NRXN3: variants seen among roughly 807,000 people sequenced by gnomAD.
NRXN3 encodes the protein neurexin 3.
NRXN3 carries 32 observed loss-of-function variants against 137.6 expected under a neutral mutation model. The ratio of observed to expected loss-of-function variants is 0.23; its 90% CI spans 0.18 to 0.31. The LOEUF (loss-of-function observed/expected upper bound fraction) is 0.31. Among genes scored for constraint, NRXN3 ranks in the 10% least tolerant of loss-of-function variants. The probability of loss-of-function intolerance (pLI) is 1.00; values close to 1 mark genes in which losing one functional copy is unlikely to be tolerated. For missense variants in NRXN3, 1,574 were observed against 2,062.5 expected (o/e 0.76, Z 4.59); for synonymous variants, 798 against 784.5 (o/e 1.02, Z -0.29).
chr14:78,182,212 A>G (rs919588024), intron 1 of NRXN3, among the ~76,000 whole-genome samples: 2 of 152,036 alleles, frequency 1.3e-5, no homozygotes, highest in Non-Finnish European at 1.5e-5. Flanking sequence ...AATTTTCACA[A>G]TGGGTCTTGG....
intron 15 of NRXN3, among the ~76,000 whole-genome samples, chr14:79,099,213 G>A (rs1458826550): frequency 1.3e-5 from 2 of 152,202 alleles, no homozygotes; most frequent in Admixed American, 1.3e-4. Flanking sequence ...TCACTTGCAA[G>A]TGTATAAGCA....
At chr14:78,593,884 G>A (rs1023848262) in intron 4 of NRXN3, among the ~76,000 whole-genome samples, 3 of 152,136 alleles carry the variant, frequency 2.0e-5, no homozygotes, top group Non-Finnish European at 2.9e-5. Flanking sequence ...CACCCCAATG[G>A]AGAGGGGCCC....
chr14:78,603,269 A>G (rs1189290172), intron 4 of NRXN3, among the ~76,000 whole-genome samples: 1 of 152,008 alleles, frequency 6.6e-6, no homozygotes, highest in Non-Finnish European at 1.5e-5. Flanking sequence ...TGCCTACTTT[A>G]CAAGGACCCT....
At chr14:79,582,577 C>G (rs112232922) in intron 16 of NRXN3, among the ~76,000 whole-genome samples, 1 of 151,824 alleles carries the variant, frequency 6.6e-6, no homozygotes, top group East Asian at 1.9e-4. Context: ...TGTGCCACCA[C>G]GCCCAGCAAT....
chr14:79,520,470 A>G (rs575267663), intron 16 of NRXN3, among the ~76,000 whole-genome samples: 1 of 152,148 alleles, frequency 6.6e-6, no homozygotes, highest in African/African-American at 2.4e-5. Flanking sequence ...GACAGTCCCC[A>G]GTGTATGATG....
chr14:79,429,766 C>T (rs1484973399), intron 15 of NRXN3, among the ~76,000 whole-genome samples: 1 of 152,162 alleles, frequency 6.6e-6, no homozygotes, highest in African/African-American at 2.4e-5. Context: ...AAAACACTTT[C>T]CCTACTTACA....
intron 16 of NRXN3, 110 bp downstream of exon 16, chr14:79,467,512 C>A: frequency 1.0e-6 from 1 of 981,906 alleles, no homozygotes; most frequent in Non-Finnish European, 1.4e-6. Context: ...GGTGCACATG[C>A]TTATAAAAAT....
chr14:79,647,052 A>G (rs547680178), intron 16 of NRXN3, among the ~76,000 whole-genome samples: 1 of 135,750 alleles, frequency 7.4e-6, no homozygotes, highest in Non-Finnish European at 1.7e-5. Flanking sequence ...CAACTCCACA[A>G]GCAGTAAAGT....
intron 16 of NRXN3, among the ~76,000 whole-genome samples, chr14:79,524,246 G>A (rs1317841783): frequency 6.6e-6 from 1 of 152,198 alleles, no homozygotes; most frequent in Admixed American, 6.5e-5. Context: ...TAACCTCATG[G>A]TTGTCTTTTC....
intron 15 of NRXN3, among the ~76,000 whole-genome samples, chr14:79,348,727 A>T (rs1482311798): frequency 6.6e-6 from 1 of 152,176 alleles, no homozygotes; most frequent in East Asian, 1.9e-4. Context: ...CAATATGGAA[A>T]TGAGCTGGGA....
chr14:78,315,307 G>T (rs1034341774), intron 4 of NRXN3, among the ~76,000 whole-genome samples: 1 of 151,994 alleles, frequency 6.6e-6, no homozygotes, highest in Non-Finnish European at 1.5e-5. Flanking sequence ...TGTGTATTTT[G>T]TATTAAACAA....
At chr14:78,484,616 A>G (rs919630437) in intron 4 of NRXN3, among the ~76,000 whole-genome samples, 1 of 152,158 alleles carries the variant, frequency 6.6e-6, no homozygotes, top group Non-Finnish European at 1.5e-5. Context: ...TGGTACTGGA[A>G]CATGGAGCTT....
chr14:79,739,648 C>CAAAAAAAAAAAAAAAAAA, intron 19 of NRXN3, among the ~76,000 whole-genome samples: 1 of 31,824 alleles, frequency 3.1e-5, no homozygotes. Flanking sequence ...GACTCTGCCT[C>CAAAAAAAAAAAAAAAAAA]AAAAAAAAAA....
At chr14:79,517,297 A>AT (rs2097001536) in intron 16 of NRXN3, among the ~76,000 whole-genome samples, 1 of 151,988 alleles carries the variant, frequency 6.6e-6, no homozygotes, top group Non-Finnish European at 1.5e-5. Context: ...CTTTCTATTG[A>AT]TATTTTTTGA....
chr14:79,299,196 A>G (rs2084716946), intron 15 of NRXN3, among the ~76,000 whole-genome samples: 1 of 152,194 alleles, frequency 6.6e-6, no homozygotes, highest in Non-Finnish European at 1.5e-5. Flanking sequence ...GCACCATCCT[A>G]TAAGATTTAA....
chr14:78,221,598 G>A (rs1212031165), intron 1 of NRXN3, among the ~76,000 whole-genome samples: 2 of 152,324 alleles, frequency 1.3e-5, no homozygotes, highest in South Asian at 2.1e-4. Context: ...GCAATAGTAA[G>A]CCTTGATTTA....
At chr14:79,437,646 T>C (rs2095865641) in intron 15 of NRXN3, among the ~76,000 whole-genome samples, 1 of 152,188 alleles carries the variant, frequency 6.6e-6, no homozygotes, top group Non-Finnish European at 1.5e-5. Context: ...ATGGCATGGC[T>C]GCCGAACCTC....
At chr14:79,546,562 A>G (rs550834965) in intron 16 of NRXN3, among the ~76,000 whole-genome samples, 1 of 152,296 alleles carries the variant, frequency 6.6e-6, no homozygotes, top group East Asian at 1.9e-4. Flanking sequence ...TGTTTTTAAT[A>G]AATAGGTAAT....
At chr14:79,388,611 A>G (rs2094727582) in intron 15 of NRXN3, among the ~76,000 whole-genome samples, 1 of 151,474 alleles carries the variant, frequency 6.6e-6, no homozygotes. Flanking sequence ...ACAGCCCTCG[A>G]CTCATGCTAG....
Sources: allele counts gnomAD v4.1 joint callset (sites outside exome capture counted in the v4.1 genomes callset), GRCh38; gene constraint gnomAD v4.1.1; transcripts MANE v1.5; gene names NCBI Gene and HGNC (gene_info 2026-07-23, HGNC 2026-07-21).